The following ABCD3 variants were observed in gnomAD, a reference collection of about 807,000 sequenced individuals.
The protein encoded by ABCD3 is ATP binding cassette subfamily D member 3.
Under a neutral mutation model 105.5 loss-of-function variants are expected in ABCD3, and 41 were observed. The observed-to-expected ratio is 0.39, with a 90% CI of 0.30 to 0.50. The LOEUF (loss-of-function observed/expected upper bound fraction) is 0.50, where lower values mean the gene tolerates loss of function less well. Among genes scored for constraint, ABCD3 ranks in the 20% least tolerant of loss-of-function variants. The pLI, the probability that ABCD3 is intolerant of heterozygous loss-of-function variation, is 0.84. For synonymous variants in ABCD3, 258 were observed against 269.0 expected (o/e 0.96, Z 0.40); for missense variants, 622 against 806.3 (o/e 0.77, Z 2.77).
chr1:94,405,222 A>G, the ABCD3 span, among the ~76,000 whole-genome samples: 12 of 152,252 alleles, frequency 7.9e-5, no homozygotes, highest in African/African-American at 2.6e-4. Flanking sequence ...TGTGTAGCCA[A>G]ATTCCCCTCA....
the ABCD3 span, among the ~76,000 whole-genome samples, chr1:94,403,868 T>C: frequency 6.6e-6 from 1 of 152,196 alleles, no homozygotes; most frequent in Non-Finnish European, 1.5e-5. Flanking sequence ...CCCTTGTTCC[T>C]TTTAGTGGTA....
upstream of ABCD3, among the ~76,000 whole-genome samples, chr1:94,413,486 G>A (rs777872413): frequency 6.6e-6 from 1 of 152,134 alleles, no homozygotes; most frequent in Non-Finnish European, 1.5e-5. Flanking sequence ...AGGACTATCT[G>A]AGTCCATCAG....
At chr1:94,388,160 G>C in the ABCD3 span, among the ~76,000 whole-genome samples, 1 of 152,118 alleles carries the variant, frequency 6.6e-6, no homozygotes. Context: ...GGAAGCAAGG[G>C]ATAGACATGA....
chr1:94,507,827 T>C (rs993704856), intron 21 of ABCD3, among the ~76,000 whole-genome samples: 179 of 145,374 alleles, frequency 1.2e-3, no homozygotes, highest in Middle Eastern at 3.5e-3. Context: ...CGCCCACTTT[T>C]TGATGGGGTT....
At chr1:94,504,628 G>A (rs182755371) in intron 20 of ABCD3, among the ~76,000 whole-genome samples, 2 of 152,298 alleles carry the variant, frequency 1.3e-5, no homozygotes, top group East Asian at 3.9e-4. Flanking sequence ...GGGTTAGAGC[G>A]TGAGTAGAAA....
intron 21 of ABCD3, among the ~76,000 whole-genome samples, chr1:94,513,294 TAGC>T (rs1216233948): frequency 1.3e-5 from 2 of 152,098 alleles, no homozygotes; most frequent in Non-Finnish European, 2.9e-5. Context: ...TTCAATGACA[TAGC>T]AGCTCTTTGC....
rs746977470 is a variant in ABCD3, at chr1:94,475,190, A to G, written c.453A>G (p.Lys151=). The stretch of plus-strand genomic sequence containing the variant: ...TGAAGTATGGGTTAAATGAGCTTAA[A>G]CTGTGCTTCCGAGTAAGGCTCACTA... ...NFLKYGLNEL[K]LCFRVRLTKY... The change falls in exon 6 of 23, where the codon AAA becomes AAG. Residue 151 remains lysine, a synonymous_variant. Transcript: ENST00000370214. 1.2e-6 allele frequency: 2 copies of G among 1,606,402 alleles called. No individual in the cohort carries two copies.
At chr1:94,408,967 G>A in the ABCD3 span, among the ~76,000 whole-genome samples, 2 of 151,990 alleles carry the variant, frequency 1.3e-5, no homozygotes, top group Admixed American at 6.6e-5. Flanking sequence ...ACTCCTATGC[G>A]CTTTCTTTTC....
intron 13 of ABCD3, among the ~76,000 whole-genome samples, chr1:94,488,541 G>T (rs1301946191): frequency 6.6e-6 from 1 of 152,002 alleles, no homozygotes; most frequent in Non-Finnish European, 1.5e-5. Context: ...AAAGGGCATG[G>T]TATGGTGTAA....
chr1:94,512,267 C>T (rs1302913799), intron 21 of ABCD3, among the ~76,000 whole-genome samples: 2 of 151,562 alleles, frequency 1.3e-5, no homozygotes, highest in African/African-American at 2.4e-5. Context: ...CCTTTTTTTC[C>T]TTCCTAAATG....
chr1:94,397,739 A>G, the ABCD3 span, among the ~76,000 whole-genome samples: 13 of 152,158 alleles, frequency 8.5e-5, no homozygotes, highest in African/African-American at 2.4e-4. Flanking sequence ...ACTAACTTCA[A>G]TTAACACTCA....
chr1:94,441,048 C>G (rs780983124), intron 1 of ABCD3, among the ~76,000 whole-genome samples: 1 of 152,076 alleles, frequency 6.6e-6, no homozygotes, highest in East Asian at 1.9e-4. Flanking sequence ...CCTCTATAAC[C>G]TGGGTGTAGG....
At chr1:94,463,471 C>T (rs1283206707) in intron 2 of ABCD3, among the ~76,000 whole-genome samples, 1 of 152,142 alleles carries the variant, frequency 6.6e-6, no homozygotes, top group Non-Finnish European at 1.5e-5. Context: ...AATCAAAGCA[C>T]ATTTACATTA....
chr1:94,442,922 A>G (rs556493818), intron 1 of ABCD3, among the ~76,000 whole-genome samples: 2 of 152,296 alleles, frequency 1.3e-5, no homozygotes, highest in East Asian at 3.9e-4. Flanking sequence ...GCTATGATAA[A>G]CATACCAGTG....
chr1:94,512,628 C>T (rs1002812460), intron 21 of ABCD3, among the ~76,000 whole-genome samples: 6 of 151,678 alleles, frequency 4.0e-5, no homozygotes, highest in South Asian at 4.2e-4. Context: ...TTAATTTATC[C>T]GTTTTATTTT....
chr1:94,444,276 G>A (rs1040423378), intron 1 of ABCD3, among the ~76,000 whole-genome samples: 9 of 147,684 alleles, frequency 6.1e-5, no homozygotes, highest in African/African-American at 2.3e-4. Flanking sequence ...AGGTTGCATT[G>A]AGCCAGGATT....
the ABCD3 span, among the ~76,000 whole-genome samples, chr1:94,410,768 CG>C: frequency 6.6e-6 from 1 of 152,158 alleles, no homozygotes; most frequent in Non-Finnish European, 1.5e-5. Context: ...ATAAATGGAA[CG>C]GACTCCATAA....
At chr1:94,416,894 T>C (rs1036425688), upstream of ABCD3, among the ~76,000 whole-genome samples, 10 of 152,208 alleles carry the variant, frequency 6.6e-5, no homozygotes, top group African/African-American at 2.4e-4. Context: ...CCTTGCTGGG[T>C]GTCCCCACTC....
chr1:94,418,806 C>G, intron 1 of ABCD3: 1 of 578,624 alleles, frequency 1.7e-6, no homozygotes, highest in Non-Finnish European at 3.0e-6. Context: ...TCGCTCCACC[C>G]CGGGAGTGCG....
Sources: gnomAD v4.1 joint callset for allele counts (sites outside exome capture counted in the v4.1 genomes callset) on GRCh38, gnomAD v4.1.1 for gene constraint, MANE v1.5 for transcripts, NCBI Gene and HGNC (gene_info 2026-07-23, HGNC 2026-07-21) for gene names.